The following CRPPA variants were observed in gnomAD, a reference collection of about 807,000 sequenced individuals.
CRPPA encodes D-ribitol-5-phosphate cytidylyltransferase.
Under a neutral mutation model 52.0 loss-of-function variants are expected in CRPPA, and 43 were observed. The observed-to-expected ratio is 0.83, with a 90% CI of 0.65 to 1.07. The LOEUF is 1.07. Ranked by LOEUF, CRPPA falls within the 50% of genes least tolerant of loss-of-function variation. CRPPA has a pLI of 0.00. For synonymous variants in CRPPA, 250 were observed against 203.5 expected (o/e 1.23, Z -1.94); for missense variants, 629 against 551.7 (o/e 1.14, Z -1.40).
chr7:16,137,938 T>A (rs553577232), intron 9 of CRPPA, among the ~76,000 whole-genome samples: 23 of 152,316 alleles, frequency 1.5e-4, no homozygotes, highest in South Asian at 6.2e-4. Flanking sequence ...TGAGTGTTCA[T>A]TAAACTAGTA....
chr7:16,159,467 G>GATGGTTT (rs1783257239), intron 9 of CRPPA, among the ~76,000 whole-genome samples: 1 of 152,116 alleles, frequency 6.6e-6, no homozygotes, highest in Non-Finnish European at 1.5e-5. Context: ...TCCTGTGTTA[G>GATGGTTT]CTTGCTGAGA....
intron 9 of CRPPA, among the ~76,000 whole-genome samples, chr7:16,191,524 G>A (rs1020568641): frequency 1.3e-5 from 2 of 152,106 alleles, no homozygotes; most frequent in Non-Finnish European, 2.9e-5. Flanking sequence ...ATTAAGAATT[G>A]CCTCGGCACT....
chr7:16,418,774 A>T (rs1000411608), intron 1 of CRPPA, among the ~76,000 whole-genome samples: 4 of 152,168 alleles, frequency 2.6e-5, no homozygotes, highest in African/African-American at 9.7e-5. Context: ...ATGCGGGGTT[A>T]TGGGGATTAA....
chr7:16,316,364 A>C (rs1156552154), intron 3 of CRPPA, among the ~76,000 whole-genome samples: 1 of 152,108 alleles, frequency 6.6e-6, no homozygotes, highest in Non-Finnish European at 1.5e-5. Flanking sequence ...CTATTCTTTT[A>C]TTACTTCTTG....
At chr7:16,179,757 C>T (rs1438374693) in intron 9 of CRPPA, among the ~76,000 whole-genome samples, 2 of 152,048 alleles carry the variant, frequency 1.3e-5, no homozygotes, top group African/African-American at 4.8e-5. Context: ...CAACACGAAA[C>T]TGATACACTG....
chr7:16,120,768 G>T (rs1349748264), intron 9 of CRPPA, among the ~76,000 whole-genome samples: 2 of 151,886 alleles, frequency 1.3e-5, no homozygotes, highest in East Asian at 3.9e-4. Context: ...TAACATTACA[G>T]AAAAAAGAAT....
At chr7:16,108,111 T>A (rs1782193061) in intron 9 of CRPPA, among the ~76,000 whole-genome samples, 1 of 151,826 alleles carries the variant, frequency 6.6e-6, no homozygotes, top group African/African-American at 2.4e-5. Flanking sequence ...ACAACAAAAA[T>A]GGCAGTAGTA....
At chr7:16,216,794 C>T (rs1286941558) in intron 8 of CRPPA, among the ~76,000 whole-genome samples, 1 of 152,220 alleles carries the variant, frequency 6.6e-6, no homozygotes, top group Non-Finnish European at 1.5e-5. Context: ...GGTCCTACGC[C>T]CACGGAGTCT....
At chr7:16,281,480 T>A (rs1389053669) in intron 5 of CRPPA, among the ~76,000 whole-genome samples, 1 of 152,214 alleles carries the variant, frequency 6.6e-6, no homozygotes, top group East Asian at 1.9e-4. Context: ...TTTTATTTCT[T>A]TCCAATCTAT....
chr7:16,177,262 G>C (rs1781321837), intron 9 of CRPPA, among the ~76,000 whole-genome samples: 1 of 151,916 alleles, frequency 6.6e-6, no homozygotes, highest in Non-Finnish European at 1.5e-5. Context: ...GAAACTAATG[G>C]AATGGTATTC....
chr7:16,187,979 T>C (rs1172514504), intron 9 of CRPPA, among the ~76,000 whole-genome samples: 2 of 151,996 alleles, frequency 1.3e-5, no homozygotes, highest in Non-Finnish European at 2.9e-5. Context: ...GTGATCTAGT[T>C]TGTGGTCTTA....
intron 9 of CRPPA, among the ~76,000 whole-genome samples, chr7:16,166,826 A>T (rs1781075944): frequency 6.6e-6 from 1 of 151,002 alleles, no homozygotes; most frequent in Non-Finnish European, 1.5e-5. Flanking sequence ...CTACCCCTTC[A>T]CCCATGCCAA....
chr7:16,110,929 T>A (rs940016057), intron 9 of CRPPA, among the ~76,000 whole-genome samples: 1 of 151,936 alleles, frequency 6.6e-6, no homozygotes, highest in Non-Finnish European at 1.5e-5. Context: ...AAAGCGAAAG[T>A]AGACAAGTGT....
At chr7:16,231,375 G>A (rs1219988961) in intron 8 of CRPPA, among the ~76,000 whole-genome samples, 2 of 152,054 alleles carry the variant, frequency 1.3e-5, no homozygotes, top group Non-Finnish European at 2.9e-5. Context: ...GGATAATCCT[G>A]CTTTGTCATC....
chr7:16,257,690 CTGAGAATTTA>C (rs1783680703), intron 8 of CRPPA, among the ~76,000 whole-genome samples: 1 of 152,076 alleles, frequency 6.6e-6, no homozygotes, highest in African/African-American at 2.4e-5. Flanking sequence ...CTAGGCACTT[CTGAGAATTTA>C]TGGTCTGGAA....
At chr7:16,215,417 A>C (rs1782277352) in intron 9 of CRPPA, among the ~76,000 whole-genome samples, 1 of 152,212 alleles carries the variant, frequency 6.6e-6, no homozygotes, top group Admixed American at 6.5e-5. Flanking sequence ...TTTGTTTTAA[A>C]TAGCATTTCT....
intron 9 of CRPPA, among the ~76,000 whole-genome samples, chr7:16,204,888 G>A (rs901435437): frequency 6.6e-5 from 10 of 152,054 alleles, no homozygotes; most frequent in Non-Finnish European, 8.8e-5. Context: ...ACTTGGTAAC[G>A]TTTTGGATTC....
At chr7:16,316,667 G>C (rs547321315) in intron 3 of CRPPA, among the ~76,000 whole-genome samples, 29 of 152,136 alleles carry the variant, frequency 1.9e-4, no homozygotes, top group African/African-American at 6.3e-4. Flanking sequence ...TTCAAGACCA[G>C]CCTGGGCAAC....
chr7:16,395,438 A>G (rs1321596864), intron 2 of CRPPA, among the ~76,000 whole-genome samples: 1 of 152,204 alleles, frequency 6.6e-6, no homozygotes, highest in African/African-American at 2.4e-5. Flanking sequence ...TTAGTTAGGC[A>G]AGTTGTCTTT....
Sources: gnomAD v4.1 joint callset for allele counts (sites outside exome capture counted in the v4.1 genomes callset) on GRCh38, gnomAD v4.1.1 for gene constraint, MANE v1.5 for transcripts, NCBI Gene and HGNC (gene_info 2026-07-23, HGNC 2026-07-21) for gene names.